The following ZNF625 variants were observed in gnomAD, a reference collection of about 807,000 sequenced individuals.
ZNF625 encodes the protein zinc finger protein 625.
A neutral mutation model predicts 11.1 loss-of-function variants in ZNF625; 8 were observed. The ratio of observed to expected loss-of-function variants is 0.72; its 90% CI spans 0.42 to 1.30. The LOEUF (loss-of-function observed/expected upper bound fraction) is 1.30, where lower values mean the gene tolerates loss of function less well. Among genes scored for constraint, ZNF625 ranks in the 50% most tolerant of loss-of-function variants. The pLI is 0.01. For missense variants in ZNF625, 349 were observed against 447.6 expected (o/e 0.78, Z 1.99); for synonymous variants, 145 against 153.4 (o/e 0.95, Z 0.41).
At chr19:12,156,507 T>A (rs1977029458) in intron 1 of ZNF625, 49 bp downstream of exon 1, 1 of 1,400,950 alleles carries the variant, frequency 7.1e-7, no homozygotes. Flanking sequence ...TCGAGCCGGT[T>A]CCTCCCGGCC....
chr19:12,147,834 G>C (rs779423126), intron 1 of ZNF625, 32 bp from the exon 2 acceptor site: 1 of 1,611,180 alleles, frequency 6.2e-7, no homozygotes, highest in Non-Finnish European at 8.5e-7. Context: ...AAGAAACATG[G>C]GTGAGACTGA....
Position 12,147,870 on chromosome 19 carries a change from C to T in ZNF625, c.4-68G>A, listed in dbSNP as rs1383287442. ...CAGCACTGGGTTCCTATACTCTATT[C>T]CTACAAAGTTTCCATGGTGCTATGG... On this transcript the variant is annotated intron_variant, in intron 1 of 3. Transcript: ENST00000439556. The T allele has an allele frequency of 3.2e-6, 5 of 1,572,456 alleles. No homozygotes were observed. The African/African-American group carries it at 6.8e-5, about 21-fold the overall frequency.
At chr19:12,146,728 G>A (rs950374437) in intron 3 of ZNF625, among the ~76,000 whole-genome samples, 4 of 152,104 alleles carry the variant, frequency 2.6e-5, no homozygotes, top group African/African-American at 7.2e-5. Flanking sequence ...CTGGGCGCCC[G>A]GCCAACACTA....
intron 1 of ZNF625, among the ~76,000 whole-genome samples, chr19:12,155,965 C>T (rs1465141842): frequency 1.3e-5 from 2 of 152,144 alleles, no homozygotes; most frequent in South Asian, 4.1e-4. Flanking sequence ...ATCCTCCCAC[C>T]TCAGCCCCCC....
rs1232401921 is a variant in ZNF625 at position 12,156,674 on chromosome 19, C to T, written c.-116G>A. The T allele has an allele frequency of 1.9e-6, 2 of 1,079,760 alleles. No homozygotes were observed. Among genetic ancestry groups the T allele is most frequent in the African/African-American group, 1.6e-5 (1 of 61,548 alleles). 66.9% of individuals were successfully genotyped at this position (1,079,760 alleles called of 1,614,324 possible). ...CGGAGGCACCTGGTCCCTCTCGGGGCCGGAAAACCGAGATCCCGACCTCCC... is the reference window on the plus strand; with the variant it reads ...CGGAGGCACCTGGTCCCTCTCGGGGTCGGAAAACCGAGATCCCGACCTCCC... On this transcript the variant is annotated 5_prime_UTR_variant, in exon 1 of 4. Coordinates refer to ENST00000439556, the MANE Select transcript of ZNF625 (RefSeq NM_145233.4).
rs561863865 is a variant in ZNF625 at position 12,156,578 on chromosome 19, C to T, written c.-20G>A. ...CACCATTTCCCGGCTTCCAGGTGTC[C>T]TGGCCTCCTCTCCACGGATCCCTCT... On this transcript the variant is annotated 5_prime_UTR_variant, in exon 1 of 4. Transcript: ENST00000439556. 3 of 1,393,196 alleles carry T rather than the reference C, an allele frequency of 2.2e-6. No individual in the cohort carries two copies. The highest frequency in any genetic ancestry group is 1.8e-5 in the South Asian group (1 of 55,852). The allele number at this position is 1,393,196 out of a possible 1,614,324, so 86.3% of individuals were successfully genotyped here.
At chr19:12,153,497 C>T (rs1048699662) in intron 1 of ZNF625, among the ~76,000 whole-genome samples, 2 of 151,678 alleles carry the variant, frequency 1.3e-5, no homozygotes, top group Non-Finnish European at 2.9e-5. Context: ...CTAGCCTGGC[C>T]AACATAACAA....
At chr19:12,154,582 C>G (rs879894589) in intron 1 of ZNF625, among the ~76,000 whole-genome samples, 2 of 152,194 alleles carry the variant, frequency 1.3e-5, no homozygotes, top group Non-Finnish European at 2.9e-5. Flanking sequence ...CAGATTTTCA[C>G]TTAAATAATC....
At position 12,156,446 on chromosome 19, in the gene ZNF625, T is replaced by C. The variant is rs1054696277; in HGVS notation, c.3+110A>G. The stretch of plus-strand genomic sequence containing the variant: ...CCGAGCTACGCCAGGGGGACTCCGC[T>C]CTGCAGACCCGAAGTCGCTGCAGGA... On this transcript the variant is annotated intron_variant, in intron 1 of 3. Transcript: ENST00000439556. The C allele has an allele frequency of 1.2e-5, 11 of 915,736 alleles. No homozygotes were observed. In the African/African-American group the frequency reaches 1.2e-4, roughly 10 times the overall value. The allele number at this position is 915,736 out of a possible 1,614,324, so 56.7% of individuals were successfully genotyped here. A position where few individuals can be genotyped will look rare whatever the true frequency, so the allele number is the denominator to read the frequency against.
At chr19:12,151,917 A>G (rs1342460361) in intron 1 of ZNF625, among the ~76,000 whole-genome samples, 1 of 152,148 alleles carries the variant, frequency 6.6e-6, no homozygotes, top group Non-Finnish European at 1.5e-5. Flanking sequence ...TTCTCTTGTC[A>G]TATTATAGCC....
At position 12,145,075 on chromosome 19, in the gene ZNF625, TAA is replaced by T; in HGVS notation, c.*220_*221del. ...GGTCTTACTGGAGGTGTGTCTCTCTTAAGAGTTATTTCCAACTCTGTGTCCTA... is the reference window on the plus strand; with the variant it reads ...GGTCTTACTGGAGGTGTGTCTCTCTTGAGTTATTTCCAACTCTGTGTCCTA... On this transcript the variant is annotated 3_prime_UTR_variant, in exon 4 of 4. Transcript: ENST00000439556. 1.7e-6 allele frequency: 1 copy of T among 574,596 alleles called. No individual in the cohort carries two copies. The highest frequency in any genetic ancestry group is 2.2e-5 in the South Asian group (1 of 44,456). The allele number at this position is 574,596 out of a possible 1,614,324, so 35.6% of individuals were successfully genotyped here.
intron 1 of ZNF625, among the ~76,000 whole-genome samples, chr19:12,153,623 G>A (rs1003872379): frequency 1.2e-4 from 18 of 148,930 alleles, no homozygotes; most frequent in Non-Finnish European, 2.1e-4. Context: ...GGGGGAGGTC[G>A]CAGTGAGCTG....
chr19:12,147,127 C>T (rs755438830), intron 3 of ZNF625, among the ~76,000 whole-genome samples: 28 of 151,936 alleles, frequency 1.8e-4, no homozygotes, highest in Non-Finnish European at 2.9e-4. Flanking sequence ...CCATCACGCC[C>T]GGCTAATTTT....
Position 12,146,970 on chromosome 19 carries a change from A to ATTTTTTTTTTTTTTTTTTTTTTTTTTTT in ZNF625, c.191+424_191+425insAAAAAAAAAAAAAAAAAAAAAAAAAAAA, listed in dbSNP as rs934558893. ...CACACTTAAATATATGTTTTTAGAG[A>ATTTTTTTTTTTTTTTTTTTTTTTTTTTT]TTTTTTTTTTTTTTGAGACGGAGTC... On this transcript the variant is annotated intron_variant, in intron 3 of 3. Transcript: ENST00000439556. Among the ~76,000 whole-genome samples, 90 of 130,816 alleles carry ATTTTTTTTTTTTTTTTTTTTTTTTTTTT rather than the reference A, an allele frequency of 6.9e-4. 5 individuals are homozygous for ATTTTTTTTTTTTTTTTTTTTTTTTTTTT. The highest frequency in any genetic ancestry group is 4.0e-3 in the Middle Eastern group (1 of 252). 85.8% of individuals were successfully genotyped at this position (130,816 alleles called of 152,430 possible).
chr19:12,147,593 C>G lies in ZNF625; in HGVS notation c.130+83G>C. The G allele has an allele frequency of 5.0e-6, 8 of 1,598,390 alleles. No individual in the cohort carries two copies. In the South Asian group the frequency reaches 7.8e-5, roughly 16 times the overall value. On this transcript the variant is annotated intron_variant, in intron 2 of 3. Transcript: ENST00000439556. ...CCCTGTCCTCACTATTCCCTGTCCA[C>G]ACTCCAAATCACTCAACACTACTGA...
chr19:12,152,560 C>T (rs781028539), intron 1 of ZNF625, among the ~76,000 whole-genome samples: 6 of 151,898 alleles, frequency 4.0e-5, no homozygotes, highest in Non-Finnish European at 5.9e-5. Flanking sequence ...TAAAAACACT[C>T]GGCCGGGTGC....
chr19:12,145,660 A>T lies in ZNF625; in HGVS notation c.756T>A (p.Cys252Ter). ...TGEKPYECSE[C>*]GKAFHSSTCL... ...ATGTGGAACTATGGAATGCTTTCCC[A>T]CACTCACTGCATTCATAAGGCTTCT... The change falls in exon 4 of 4, where the codon TGT becomes TGA. Residue 252 changes from cysteine to a stop codon, truncating the protein, a stop_gained. Transcript: ENST00000439556. LOFTEE classifies it low-confidence loss of function (END_TRUNC). 6.2e-7 allele frequency: 1 copy of T among 1,614,176 alleles called. No individual in the cohort carries two copies.
chr19:12,156,593 C>T lies in ZNF625; in HGVS notation c.-35G>A. ...TCCAGGTGTCCTGGCCTCCTCTCCA[C>T]GGATCCCTCTAACAGTCCAGTCACA... is the stretch of plus-strand genomic sequence containing the variant. On this transcript the variant is annotated 5_prime_UTR_variant, in exon 1 of 4. The change creates a new upstream start codon in the 5' untranslated region. Coordinates refer to ENST00000439556, the MANE Select transcript of ZNF625 (RefSeq NM_145233.4). 13 of 1,357,038 alleles carry T rather than the reference C, an allele frequency of 9.6e-6. No individual in the cohort carries two copies. The highest frequency in any genetic ancestry group is 1.2e-5 in the Non-Finnish European group (13 of 1,053,510). The allele number at this position is 1,357,038 out of a possible 1,614,324, so 84.1% of individuals were successfully genotyped here. A position where few individuals can be genotyped will look rare whatever the true frequency, so the allele number is the denominator to read the frequency against.
Position 12,145,210 on chromosome 19 carries a change from GA to G in ZNF625, c.*86del. On this transcript the variant is annotated 3_prime_UTR_variant, in exon 4 of 4. Transcript: ENST00000439556. ...AATGACAGTGACTGCAGAAGCTTCA[GA>G]ATAATTTTGCGATGGTTCCCATGAT... is the stretch of plus-strand genomic sequence containing the variant. 7.1e-7 allele frequency: 1 copy of G among 1,403,772 alleles called. No individual in the cohort carries two copies. Among genetic ancestry groups the G allele is most frequent in the Non-Finnish European group, 9.7e-7 (1 of 1,035,744 alleles). 87.0% of individuals were successfully genotyped at this position (1,403,772 alleles called of 1,614,324 possible).
Sources: gnomAD v4.1 joint callset for allele counts (sites outside exome capture counted in the v4.1 genomes callset) on GRCh38, gnomAD v4.1.1 for gene constraint, MANE v1.5 for transcripts, NCBI Gene and HGNC (gene_info 2026-07-23, HGNC 2026-07-21) for gene names.